The following MACROD2 variants were observed in gnomAD, a reference collection of about 807,000 sequenced individuals.
The protein encoded by MACROD2 is mono-ADP ribosylhydrolase 2.
A neutral mutation model predicts 70.4 loss-of-function variants in MACROD2; 36 were observed. The observed-to-expected ratio is 0.51, with a 90% confidence interval of 0.39 to 0.68. The LOEUF is 0.68. Among genes scored for constraint, MACROD2 ranks in the 30% least tolerant of loss-of-function variants. MACROD2 has a pLI of 0.00. For synonymous variants in MACROD2, 172 were observed against 178.8 expected (o/e 0.96, Z 0.30); for missense variants, 496 against 538.4 (o/e 0.92, Z 0.78).
intron 5 of MACROD2, among the ~76,000 whole-genome samples, chr20:15,010,280 G>A (rs959069980): frequency 3.3e-5 from 5 of 152,084 alleles, no homozygotes; most frequent in Admixed American, 6.6e-5. Flanking sequence ...GCACCATGCC[G>A]CCACTTAGGT....
At chr20:14,729,725 C>CT (rs1452115098) in intron 5 of MACROD2, among the ~76,000 whole-genome samples, 1 of 151,968 alleles carries the variant, frequency 6.6e-6, no homozygotes, top group Non-Finnish European at 1.5e-5. Context: ...AAGGTACACA[C>CT]TCTCAATACA....
chr20:15,305,536 A>G (rs2146135900), intron 6 of MACROD2, among the ~76,000 whole-genome samples: 1 of 152,150 alleles, frequency 6.6e-6, no homozygotes, highest in Non-Finnish European at 1.5e-5. Context: ...AGTCCAGTCG[A>G]GTTACTGTGA....
intron 5 of MACROD2, among the ~76,000 whole-genome samples, chr20:15,048,079 C>T (rs1282335467): frequency 1.5e-5 from 2 of 134,164 alleles, no homozygotes; most frequent in Admixed American, 7.7e-5. Context: ...GCCCGGCCAA[C>T]ATGGTGAAAC....
intron 7 of MACROD2, among the ~76,000 whole-genome samples, chr20:15,433,716 C>CA (rs2046393007): frequency 6.9e-6 from 1 of 144,286 alleles, no homozygotes; most frequent in Non-Finnish European, 1.5e-5. Context: ...CATATGGAAC[C>CA]AAAAAAACAG....
At chr20:15,137,656 A>C (rs1003983805) in intron 5 of MACROD2, among the ~76,000 whole-genome samples, 2 of 151,638 alleles carry the variant, frequency 1.3e-5, no homozygotes, top group African/African-American at 4.8e-5. Context: ...ACATGTATAC[A>C]TATGTAACTA....
intron 4 of MACROD2, among the ~76,000 whole-genome samples, chr20:14,662,286 T>C (rs1986263260): frequency 6.6e-6 from 1 of 152,006 alleles, no homozygotes; most frequent in African/African-American, 2.4e-5. Context: ...GCTAGCCATA[T>C]GCAGAAGATT....
chr20:15,784,907 G>A (rs2051895261), intron 8 of MACROD2, among the ~76,000 whole-genome samples: 2 of 152,136 alleles, frequency 1.3e-5, no homozygotes, highest in Admixed American at 6.5e-5. Context: ...CCAGCACTTT[G>A]GGAGGCCAAG....
chr20:15,266,569 T>A (rs967762348), intron 6 of MACROD2, among the ~76,000 whole-genome samples: 3 of 152,202 alleles, frequency 2.0e-5, no homozygotes, highest in African/African-American at 7.2e-5. Flanking sequence ...GCTGCAGTTA[T>A]CTCCTAAAAG....
At chr20:15,101,828 T>G (rs1813837400) in intron 5 of MACROD2, among the ~76,000 whole-genome samples, 1 of 152,036 alleles carries the variant, frequency 6.6e-6, no homozygotes, top group Non-Finnish European at 1.5e-5. Context: ...TTTAAAGTAT[T>G]GATTATTTAA....
At chr20:15,618,043 T>C (rs1349965066) in intron 8 of MACROD2, among the ~76,000 whole-genome samples, 1 of 150,776 alleles carries the variant, frequency 6.6e-6, no homozygotes, top group Non-Finnish European at 1.5e-5. Flanking sequence ...GTTTTTGATG[T>C]GTTAAGAGAT....
At chr20:15,476,143 A>G (rs1278941936) in intron 7 of MACROD2, among the ~76,000 whole-genome samples, 1 of 152,228 alleles carries the variant, frequency 6.6e-6, no homozygotes. Flanking sequence ...TTGGCACTTC[A>G]CAATGTTATA....
intron 5 of MACROD2, among the ~76,000 whole-genome samples, chr20:15,103,730 C>G (rs1029852263): frequency 8.6e-5 from 13 of 151,958 alleles, no homozygotes; most frequent in Non-Finnish European, 1.8e-4. Flanking sequence ...GAGAAAACAC[C>G]AGGATTTATG....
At chr20:15,915,918 T>C (rs769492240) in intron 10 of MACROD2, among the ~76,000 whole-genome samples, 7 of 152,182 alleles carry the variant, frequency 4.6e-5, no homozygotes, top group Non-Finnish European at 8.8e-5. Context: ...TCCCCCGTTA[T>C]GGACTTGGAA....
In MACROD2 at chr20:14,626,703, G is replaced by A. The variant is rs183061055; in HGVS notation, c.302-58140G>A. Among the ~76,000 whole-genome samples, 344 of 152,278 alleles carry A rather than the reference G, an allele frequency of 2.3e-3. 1 individual carries two copies. Among genetic ancestry groups the A allele is most frequent in the South Asian group, 3.9e-3 (19 of 4,824 alleles). On this transcript the variant is annotated intron_variant, in intron 4 of 17. Transcript: ENST00000684519. ...AAAACAATAATCCATACTGGCAAGG[G>A]TAACGTATCCTCAGGAGGAAGTATG...
At chr20:15,818,342 A>G (rs1000959108) in intron 8 of MACROD2, among the ~76,000 whole-genome samples, 9 of 152,140 alleles carry the variant, frequency 5.9e-5, no homozygotes, top group African/African-American at 2.2e-4. Flanking sequence ...GTTTCCTGGG[A>G]AAAGGGTGGG....
chr20:15,875,163 T>C (rs2064650255), intron 9 of MACROD2, among the ~76,000 whole-genome samples: 1 of 152,178 alleles, frequency 6.6e-6, no homozygotes, highest in African/African-American at 2.4e-5. Context: ...TTCAACCCAT[T>C]TGGGACTTCC....
chr20:14,742,498 G>A (rs902249914), intron 5 of MACROD2, among the ~76,000 whole-genome samples: 1 of 151,780 alleles, frequency 6.6e-6, no homozygotes, highest in African/African-American at 2.4e-5. Context: ...GAAAGACAGA[G>A]AATAGTACTT....
At chr20:14,749,969 G>A (rs2071848951) in intron 5 of MACROD2, among the ~76,000 whole-genome samples, 1 of 152,042 alleles carries the variant, frequency 6.6e-6, no homozygotes, top group Non-Finnish European at 1.5e-5. Context: ...TCAGATCTGT[G>A]GGAGGAAAAT....
intron 2 of MACROD2, among the ~76,000 whole-genome samples, chr20:14,030,361 T>C (rs767229099): frequency 2.6e-5 from 4 of 152,178 alleles, no homozygotes; most frequent in Non-Finnish European, 5.9e-5. Flanking sequence ...TTTTTGATTC[T>C]TTCAGGGTTT....
Sources: gnomAD v4.1 joint callset for allele counts (sites outside exome capture counted in the v4.1 genomes callset) on GRCh38, gnomAD v4.1.1 for gene constraint, MANE v1.5 for transcripts, NCBI Gene and HGNC (gene_info 2026-07-23, HGNC 2026-07-21) for gene names.